STAMBP: variants seen among roughly 807,000 people sequenced by gnomAD.
STAMBP encodes STAM-binding protein.
STAMBP carries 31 observed loss-of-function variants against 50.7 expected under a neutral mutation model. The ratio of observed to expected loss-of-function variants is 0.61; its 90% CI spans 0.46 to 0.83. STAMBP has a LOEUF of 0.83. Ranked by LOEUF, STAMBP falls within the 40% of genes least tolerant of loss-of-function variation. The pLI, the probability that STAMBP is intolerant of heterozygous loss-of-function variation, is 0.00. For missense variants in STAMBP, 472 were observed against 518.9 expected, an observed-to-expected ratio of 0.91 and a Z score of 0.88; for synonymous variants, 211 against 192.4, an observed-to-expected ratio of 1.10 and a Z score of -0.80.
intron 7 of STAMBP, among the ~76,000 whole-genome samples, chr2:73,851,637 A>G (rs373718387): frequency 1.6e-3 from 212 of 135,702 alleles, no homozygotes; most frequent in Non-Finnish European, 3.0e-3. Context: ...ACAGTGGTAG[A>G]TTTTTTTTTT....
downstream of STAMBP, chr2:73,867,297 C>T (rs1406700918): frequency 6.6e-6 from 1 of 152,212 alleles, no homozygotes; most frequent in Non-Finnish European, 1.5e-5. Flanking sequence ...TGCCTGTCAT[C>T]CCAGCAGGAG....
chr2:73,835,986 CT>C (rs983998506), intron 2 of STAMBP, among the ~76,000 whole-genome samples: 38 of 145,950 alleles, frequency 2.6e-4, no homozygotes, highest in South Asian at 2.0e-3. Flanking sequence ...TTTTCTTTTT[CT>C]TTTTTTTTTT....
At chr2:73,844,379 G>A (rs1282241000) in intron 2 of STAMBP, among the ~76,000 whole-genome samples, 42 of 152,194 alleles carry the variant, frequency 2.8e-4, no homozygotes, top group African/African-American at 9.7e-5. Flanking sequence ...GGTTACATAA[G>A]AGCTAGAAGG....
chr2:73,861,392 G>T (rs1420616661), intron 9 of STAMBP, among the ~76,000 whole-genome samples: 1 of 152,136 alleles, frequency 6.6e-6, no homozygotes, highest in Non-Finnish European at 1.5e-5. Context: ...ATCTACAGGT[G>T]GGACTGGTGG....
chr2:73,847,036 C>G (rs1382307369), intron 4 of STAMBP, among the ~76,000 whole-genome samples: 1 of 146,188 alleles, frequency 6.8e-6, no homozygotes, highest in Non-Finnish European at 1.5e-5. Context: ...GAGCTGTGAT[C>G]ATGCCATTGC....
intron 2 of STAMBP, among the ~76,000 whole-genome samples, chr2:73,834,239 AT>A (rs58972010): frequency 1.3e-4 from 2 of 15,576 alleles, no homozygotes; most frequent in African/African-American, 3.8e-4. Context: ...AAAAAAAAAT[AT>A]ATATATATAT....
At chr2:73,871,125 C>G (rs1207510013), downstream of STAMBP, among the ~76,000 whole-genome samples, 1 of 152,112 alleles carries the variant, frequency 6.6e-6, no homozygotes, top group Non-Finnish European at 1.5e-5. Flanking sequence ...TAAGTTTACA[C>G]AAATATTTTG....
At chr2:73,843,160 A>G (rs1437761574) in intron 2 of STAMBP, among the ~76,000 whole-genome samples, 3 of 149,574 alleles carry the variant, frequency 2.0e-5, no homozygotes, top group Admixed American at 6.7e-5. Flanking sequence ...TCTTTTAAAT[A>G]TAGACTTCAA....
Position 73,847,415 on chromosome 2 carries a change from A to T in STAMBP, c.404A>T (p.Asn135Ile). ...AAGGAAGCAGAGGAATTGGCCCGGA[A>T]CATGGCCATCCAGCAAGAGCTGGAA... ...KKKEAEELAR[N>I]MAIQQELEKE... Residue 135 changes from asparagine to isoleucine, a missense_variant, in exon 5 of 10, where the codon AAC (asparagine) becomes ATC (isoleucine). By Grantham distance (149) the Asn-to-Ile change is moderately radical (BLOSUM62 -3). Coordinates refer to ENST00000394070, the MANE Select transcript of STAMBP (RefSeq NM_213622.4). 1 of 1,612,352 alleles carries T rather than the reference A, an allele frequency of 6.2e-7. No homozygotes were observed. The highest frequency in any genetic ancestry group is 1.1e-5 in the South Asian group (1 of 90,956).
At chr2:73,867,643 G>A (rs1467261251), downstream of STAMBP, among the ~76,000 whole-genome samples, 1 of 152,060 alleles carries the variant, frequency 6.6e-6, no homozygotes, top group African/African-American at 2.4e-5. Flanking sequence ...AGAGATGAAC[G>A]ATAATACAAT....
At chr2:73,858,592 C>G (rs116176043) in intron 7 of STAMBP, among the ~76,000 whole-genome samples, 4 of 152,240 alleles carry the variant, frequency 2.6e-5, no homozygotes, top group Admixed American at 1.3e-4. Flanking sequence ...GAAATCTACT[C>G]TCTTAAGCAG....
chr2:73,852,859 G>GTT (rs1274942450), intron 7 of STAMBP, among the ~76,000 whole-genome samples: 6 of 149,982 alleles, frequency 4.0e-5, no homozygotes, highest in Admixed American at 4.0e-4. Flanking sequence ...GTGTGTGTGT[G>GTT]TGTGTGTGTG....
chr2:73,830,800 T>A (rs938105850), intron 1 of STAMBP, 45 bp from the exon 2 acceptor site: 4 of 1,474,074 alleles, frequency 2.7e-6, no homozygotes, highest in Admixed American at 3.5e-5. Context: ...ACTGCTGGGA[T>A]GATGAGGGCA....
intron 2 of STAMBP, among the ~76,000 whole-genome samples, chr2:73,836,608 G>A (rs1464719987): frequency 1.3e-5 from 2 of 152,240 alleles, no homozygotes. Flanking sequence ...GATGACTGGT[G>A]AGAACACTCC....
intron 7 of STAMBP, among the ~76,000 whole-genome samples, chr2:73,855,154 A>G (rs1448271025): frequency 1.3e-5 from 2 of 152,180 alleles, no homozygotes; most frequent in African/African-American, 4.8e-5. Context: ...ACTGTTGTCA[A>G]ACCTCCAGCC....
At chr2:73,868,088 C>T (rs528248127), downstream of STAMBP, among the ~76,000 whole-genome samples, 105 of 149,968 alleles carry the variant, frequency 7.0e-4, no homozygotes, top group East Asian at 4.3e-3. Context: ...CACGCCATTG[C>T]GCTCCAGCCT....
intron 9 of STAMBP, 144 bp downstream of exon 9, chr2:73,860,295 A>G (rs566982490): frequency 1.0e-5 from 7 of 685,528 alleles, no homozygotes; most frequent in South Asian, 8.1e-5. Flanking sequence ...AAGGACGTAC[A>G]TGAGAAGCAG....
At chr2:73,846,170 ATTAC>A (rs1676027912) in intron 4 of STAMBP, among the ~76,000 whole-genome samples, 1 of 151,962 alleles carries the variant, frequency 6.6e-6, no homozygotes, top group Admixed American at 6.6e-5. Flanking sequence ...GGAGGAGGTT[ATTAC>A]TTAGCATTTC....
At chr2:73,867,811 G>T (rs952780561), downstream of STAMBP, among the ~76,000 whole-genome samples, 3 of 152,080 alleles carry the variant, frequency 2.0e-5, no homozygotes, top group African/African-American at 7.2e-5. Flanking sequence ...TAGGAAACCA[G>T]GGGGAAAGAA....
Sources: gnomAD v4.1 joint callset for allele counts (sites outside exome capture counted in the v4.1 genomes callset) on GRCh38, gnomAD v4.1.1 for gene constraint, MANE v1.5 for transcripts, NCBI Gene and HGNC (gene_info 2026-07-23, HGNC 2026-07-21) for gene names.